PCDHA8: variants seen among roughly 807,000 people sequenced by gnomAD.
PCDHA8 encodes the protein protocadherin alpha-8.
PCDHA8 carries 53 observed loss-of-function variants against 61.8 expected under a neutral mutation model. The observed-to-expected ratio is 0.86, with a 90% confidence interval of 0.69 to 1.08. The LOEUF (loss-of-function observed/expected upper bound fraction) is 1.08, where lower values mean the gene tolerates loss of function less well. PCDHA8 is among the 50% of genes least tolerant of loss of function. The probability of loss-of-function intolerance (pLI) is 0.00; values close to 1 mark genes in which losing one functional copy is unlikely to be tolerated. For synonymous variants in PCDHA8, 618 were observed against 556.6 expected (o/e 1.11, Z -1.55); for missense variants, 1,293 against 1,245.0 (o/e 1.04, Z -0.58).
At chr5:140,957,189 G>A (rs1376112973) in intron 1 of PCDHA8, among the ~76,000 whole-genome samples, 1 of 152,056 alleles carries the variant, frequency 6.6e-6, no homozygotes. Context: ...ATTGATGACC[G>A]ATTGGGAATA....
chr5:140,907,883 G>GTGAA (rs2073669227), intron 1 of PCDHA8, among the ~76,000 whole-genome samples: 1 of 152,110 alleles, frequency 6.6e-6, no homozygotes, highest in Non-Finnish European at 1.5e-5. Flanking sequence ...CACTCACATG[G>GTGAA]GATACAAATA....
At chr5:140,853,340 G>A (rs1398968821) in intron 1 of PCDHA8, 1 of 983,496 alleles carries the variant, frequency 1.0e-6, no homozygotes, top group East Asian at 1.1e-4. Flanking sequence ...GAGGTCATTA[G>A]CAAACATGAA....
intron 1 of PCDHA8, chr5:140,877,728 G>A: frequency 1.2e-6 from 2 of 1,614,164 alleles, no homozygotes; most frequent in Non-Finnish European, 1.7e-6. Context: ...CTTACTCGCA[G>A]CAGAGGAGGC....
In PCDHA8 at chr5:140,862,537, C is replaced by A. The variant is rs56017024; in HGVS notation, c.2394+18822C>A. The A allele has an allele frequency of 9.8e-3, 4,308 of 440,540 alleles. 34 individuals carry two copies. The highest frequency in any genetic ancestry group is 0.014 in the Non-Finnish European group (3,070 of 217,342). The allele number at this position is 440,540 out of a possible 1,614,324, so 27.3% of individuals were successfully genotyped here. A position where few individuals can be genotyped will look rare whatever the true frequency, so the allele number is the denominator to read the frequency against. On this transcript the variant is annotated intron_variant, in intron 1 of 3. Transcript: ENST00000531613. The stretch of plus-strand genomic sequence containing the variant: ...CATTGTTGGCCACAGCCATCGGGTC[C>A]GTGGAAGTGGCCGAACAGTGAACCA...
chr5:140,882,886 G>C, intron 1 of PCDHA8: 1 of 1,614,200 alleles, frequency 6.2e-7, no homozygotes, highest in Non-Finnish European at 8.5e-7. Context: ...AGGAAATTCA[G>C]GAACATAGTT....
intron 1 of PCDHA8, chr5:140,853,507 A>G (rs762597106): frequency 6.1e-6 from 6 of 977,198 alleles, no homozygotes; most frequent in South Asian, 4.8e-5. Context: ...TCATGAAACA[A>G]TAATGAAGCT....
chr5:140,917,231 A>G (rs2077963769), intron 1 of PCDHA8, among the ~76,000 whole-genome samples: 1 of 151,360 alleles, frequency 6.6e-6, no homozygotes, highest in Admixed American at 6.6e-5. Context: ...TACGTTGTTA[A>G]ATCTAGGTAC....
At chr5:140,868,379 T>A (rs1554161939) in intron 1 of PCDHA8, 7 of 152,204 alleles carry the variant, frequency 4.6e-5, no homozygotes, top group African/African-American at 2.4e-5. Flanking sequence ...CAGTAAAGAA[T>A]GAGAACTATA....
At position 140,900,403 on chromosome 5, in the gene PCDHA8, A is replaced by G. The variant is rs569079456; in HGVS notation, c.2394+56688A>G. ...AGCGATTCTCCTGCCTCAGCCTCCC[A>G]AGTAGCTGGGATTATAGGCACGTGC... On this transcript the variant is annotated intron_variant, in intron 1 of 3. Coordinates refer to ENST00000531613, the MANE Select transcript of PCDHA8 (RefSeq NM_018911.3). 2.4e-3 allele frequency among the ~76,000 whole-genome samples: 360 copies of G among 152,066 alleles called. 1 individual carries two copies. Among genetic ancestry groups the G allele is most frequent in the African/African-American group, 8.1e-3 (336 of 41,500 alleles).
intron 1 of PCDHA8, among the ~76,000 whole-genome samples, chr5:140,881,750 C>T (rs1161973911): frequency 6.6e-6 from 1 of 152,092 alleles, no homozygotes; most frequent in Non-Finnish European, 1.5e-5. Flanking sequence ...AGGACAGTAC[C>T]ACAAAAACCT....
chr5:140,846,135 C>T (rs2150384965), intron 1 of PCDHA8, among the ~76,000 whole-genome samples: 2 of 149,570 alleles, frequency 1.3e-5, no homozygotes, highest in African/African-American at 4.9e-5. Context: ...TGTATGTTTC[C>T]CATATTTAAA....
chr5:140,927,656 T>C (rs782201050), intron 1 of PCDHA8: 4 of 1,613,938 alleles, frequency 2.5e-6, no homozygotes, highest in Non-Finnish European at 3.4e-6. Flanking sequence ...TTATTCCGAG[T>C]TCAAGCCTTG....
intron 1 of PCDHA8, chr5:140,968,608 T>C: frequency 6.2e-7 from 1 of 1,614,242 alleles, no homozygotes; most frequent in South Asian, 1.1e-5. Context: ...ACTCAGACTC[T>C]GGGCAAAATG....
rs551967990 is a variant in PCDHA8 at position 140,858,294 on chromosome 5, C to G, written c.2394+14579C>G. ...AGCGCGGTGGGGAGCTGGTCTTACTCGCAGCAGAGGCGGCAGAGGGTGTGT... is the reference window on the plus strand; with the variant it reads ...AGCGCGGTGGGGAGCTGGTCTTACTGGCAGCAGAGGCGGCAGAGGGTGTGT... On this transcript the variant is annotated intron_variant, in intron 1 of 3. Transcript: ENST00000531613. 3 of 1,597,466 alleles carry G rather than the reference C, an allele frequency of 1.9e-6. No individual in the cohort carries two copies. The African/African-American group carries it at 4.0e-5, about 21-fold the overall frequency.
chr5:140,915,626 GTCTC>G (rs57920489), intron 1 of PCDHA8, among the ~76,000 whole-genome samples: 182 of 146,478 alleles, frequency 1.2e-3, no homozygotes, highest in East Asian at 9.3e-3. Flanking sequence ...GTCTCTTTCT[GTCTC>G]TCTCTCTCTC....
At chr5:140,918,348 G>A (rs1184826451) in intron 1 of PCDHA8, among the ~76,000 whole-genome samples, 1 of 152,138 alleles carries the variant, frequency 6.6e-6, no homozygotes, top group Non-Finnish European at 1.5e-5. Context: ...GAGATAGGTT[G>A]ACTTCCTCTC....
At chr5:140,844,393 C>A (rs1368832554) in intron 1 of PCDHA8, among the ~76,000 whole-genome samples, 1 of 149,238 alleles carries the variant, frequency 6.7e-6, no homozygotes. Context: ...ATTATTTAGA[C>A]CATTTTACCA....
At chr5:140,972,622 T>C (rs1554234253) in intron 1 of PCDHA8, among the ~76,000 whole-genome samples, 1 of 151,940 alleles carries the variant, frequency 6.6e-6, no homozygotes, top group African/African-American at 2.4e-5. Flanking sequence ...CTGAATGTTG[T>C]TGGCACTCCC....
At chr5:140,923,299 G>A (rs921157994) in intron 1 of PCDHA8, among the ~76,000 whole-genome samples, 17 of 152,330 alleles carry the variant, frequency 1.1e-4, no homozygotes, top group Middle Eastern at 3.4e-3. Context: ...TTAGCTGGGC[G>A]TGGGGGCGCT....
Sources: gnomAD v4.1 joint callset for allele counts (sites outside exome capture counted in the v4.1 genomes callset) on GRCh38, gnomAD v4.1.1 for gene constraint, MANE v1.5 for transcripts, NCBI Gene and HGNC (gene_info 2026-07-23, HGNC 2026-07-21) for gene names.